The following BRK1 variants were observed in gnomAD, a reference collection of about 807,000 sequenced individuals.
BRK1 encodes protein BRICK1.
In BRK1, 6 loss-of-function variants were observed where a neutral mutation model predicts 9.9. That is an observed-to-expected ratio of 0.60 (90% CI 0.33 to 1.19). The LOEUF (loss-of-function observed/expected upper bound fraction) is 1.19. Ranked by LOEUF, BRK1 falls within the 50% of genes most tolerant of loss-of-function variation. The pLI is 0.04. For synonymous variants in BRK1, 44 were observed against 31.9 expected (o/e 1.38, Z -1.28); for missense variants, 62 against 97.5 (o/e 0.64, Z 1.53).
At chr3:10,119,145 A>C (rs1046782604) in intron 1 of BRK1, among the ~76,000 whole-genome samples, 1 of 146,216 alleles carries the variant, frequency 6.8e-6, no homozygotes, top group South Asian at 2.1e-4. Flanking sequence ...CTCCATCTCA[A>C]AAAAAAAAAA....
At chr3:10,125,288 A>G (rs1695822039) in intron 1 of BRK1, among the ~76,000 whole-genome samples, 4 of 151,954 alleles carry the variant, frequency 2.6e-5, no homozygotes, top group Admixed American at 2.6e-4. Context: ...ATTTTTAGTA[A>G]GAGACAGGGT....
At chr3:10,120,773 G>A (rs1305539241) in intron 1 of BRK1, among the ~76,000 whole-genome samples, 3 of 152,142 alleles carry the variant, frequency 2.0e-5, no homozygotes, top group Admixed American at 2.0e-4. Context: ...TATCCATGTA[G>A]GCCAGGAGCA....
intron 1 of BRK1, among the ~76,000 whole-genome samples, chr3:10,118,648 C>T (rs925837204): frequency 3.9e-5 from 6 of 151,914 alleles, no homozygotes; most frequent in South Asian, 4.1e-4. Context: ...CCACCATGCC[C>T]GGCTAATATT....
chr3:10,123,181 T>G (rs1695782079), intron 1 of BRK1, among the ~76,000 whole-genome samples: 1 of 152,240 alleles, frequency 6.6e-6, no homozygotes, highest in Non-Finnish European at 1.5e-5. Flanking sequence ...AAAAGTTGTT[T>G]TAAATTAAAT....
chr3:10,123,504 C>T (rs1447368869), intron 1 of BRK1, among the ~76,000 whole-genome samples: 4 of 150,162 alleles, frequency 2.7e-5, no homozygotes, highest in African/African-American at 7.4e-5. Context: ...GGTGCAATCT[C>T]GGCTCACTGC....
chr3:10,123,453 T>TTTTTTTTG (rs1210531425), intron 1 of BRK1, among the ~76,000 whole-genome samples: 1 of 151,010 alleles, frequency 6.6e-6, no homozygotes, highest in Admixed American at 6.6e-5. Flanking sequence ...TTTTTTTTTT[T>TTTTTTTTG]GAGACGGAGT....
At chr3:10,124,777 T>C (rs1224976682) in intron 1 of BRK1, among the ~76,000 whole-genome samples, 7 of 152,188 alleles carry the variant, frequency 4.6e-5, no homozygotes, top group Admixed American at 4.6e-4. Context: ...CTGAGATCTC[T>C]GTTTTGTTGC....
intron 1 of BRK1, among the ~76,000 whole-genome samples, chr3:10,117,771 A>G (rs1346637370): frequency 6.6e-6 from 1 of 152,198 alleles, no homozygotes; most frequent in African/African-American, 2.4e-5. Flanking sequence ...GACTTCCCTT[A>G]GCTTAGATCA....
In BRK1 at chr3:10,115,818, C is replaced by A; in HGVS notation, c.117C>A (p.Phe39Leu). The A allele has an allele frequency of 6.2e-7, 1 of 1,612,778 alleles. No individual in the cohort carries two copies. Among genetic ancestry groups the A allele is most frequent in the South Asian group, 1.1e-5 (1 of 91,044 alleles). ...IKKIADFLNS[F>L]DMSCRSRLAT... ...AAATCGCAGACTTTCTCAACTCGTT[C>A]GGTCAGCGGGCCAGCAAGGGGAGGC... Residue 39 changes from phenylalanine (F) to leucine (L), a missense_variant and splice_region_variant, in exon 1 of 3, where the codon TTC becomes TTA. Transcript: ENST00000530758.
At chr3:10,118,216 G>A (rs1695711775) in intron 1 of BRK1, among the ~76,000 whole-genome samples, 1 of 145,702 alleles carries the variant, frequency 6.9e-6, no homozygotes, top group African/African-American at 2.6e-5. Flanking sequence ...TCGTGCCACT[G>A]CACTGCAGCT....
intron 1 of BRK1, among the ~76,000 whole-genome samples, chr3:10,117,669 T>C (rs2125116920): frequency 6.6e-6 from 1 of 151,926 alleles, no homozygotes; most frequent in African/African-American, 2.4e-5. Context: ...AGTGCTGGGA[T>C]TACAGGCCTG....
At chr3:10,124,755 G>A (rs1214975509) in intron 1 of BRK1, among the ~76,000 whole-genome samples, 4 of 152,136 alleles carry the variant, frequency 2.6e-5, no homozygotes, top group African/African-American at 9.7e-5. Context: ...TCAGTTTCTC[G>A]TGGTTGTAGG....
chr3:10,122,973 T>A (rs1328526238), intron 1 of BRK1, among the ~76,000 whole-genome samples: 5 of 152,176 alleles, frequency 3.3e-5, no homozygotes, highest in Non-Finnish European at 7.3e-5. Flanking sequence ...AGGAAACTTG[T>A]TAGCTAAGTG....
chr3:10,125,429 T>C (rs549344059), intron 1 of BRK1, among the ~76,000 whole-genome samples, 197 bp from the exon 2 acceptor site: 1 of 152,208 alleles, frequency 6.6e-6, no homozygotes, highest in Non-Finnish European at 1.5e-5. Context: ...TGTGGGGCCG[T>C]TATTCTCTAC....
At chr3:10,126,169 T>C in intron 2 of BRK1, 100 bp from the exon 3 acceptor site, 1 of 755,832 alleles carries the variant, frequency 1.3e-6, no homozygotes, top group Non-Finnish European at 2.0e-6. Context: ...GCTATCTTCT[T>C]TTCTGCTATT....
intron 1 of BRK1, among the ~76,000 whole-genome samples, chr3:10,125,126 A>C (rs1354080567): frequency 6.6e-6 from 1 of 151,898 alleles, no homozygotes; most frequent in Admixed American, 6.6e-5. Context: ...TTTTTGAGAC[A>C]GAGTTTTGCT....
chr3:10,123,658 T>A lies in BRK1; in HGVS notation c.119-1968T>A, dbSNP rs149128821. 1 allele frequency among the ~76,000 whole-genome samples: 132,596 copies of A among 132,698 alleles called. 66,247 individuals are homozygous for A. Among genetic ancestry groups the A allele is most frequent in the Middle Eastern group, 1 (274 of 274 alleles). 87.1% of individuals were successfully genotyped at this position (132,698 alleles called of 152,430 possible). On this transcript the variant is annotated intron_variant, in intron 1 of 2. Transcript: ENST00000530758. ...ATTGTGTTAGCCAGGATGGTCTCCA[T>A]CTCCTGACCTCGTGATCCACTGCCT...
chr3:10,124,961 C>A lies in BRK1; in HGVS notation c.119-665C>A, dbSNP rs115703467. 3.1e-3 allele frequency among the ~76,000 whole-genome samples: 476 copies of A among 152,222 alleles called. 6 individuals are homozygous for A. The highest frequency in any genetic ancestry group is 0.011 in the African/African-American group (456 of 41,536). On this transcript the variant is annotated intron_variant, in intron 1 of 2. Transcript: ENST00000530758. ...GACCCCCTTCCTATGCCTTTCTCAC[C>A]TACATTTGTGGACTATGATTAGATT...
chr3:10,121,106 A>G (rs1226119604), intron 1 of BRK1, among the ~76,000 whole-genome samples: 1 of 152,190 alleles, frequency 6.6e-6, no homozygotes, highest in Non-Finnish European at 1.5e-5. Context: ...CACAAGCGTA[A>G]AAAGAATGAA....
Sources: gnomAD v4.1 joint callset for allele counts (sites outside exome capture counted in the v4.1 genomes callset) on GRCh38, gnomAD v4.1.1 for gene constraint, MANE v1.5 for transcripts, NCBI Gene and HGNC (gene_info 2026-07-23, HGNC 2026-07-21) for gene names.